YY1AP1: variants seen among roughly 807,000 people sequenced by gnomAD.
The protein encoded by YY1AP1 is YY1 associated protein 1, also known as YY1-associated protein 1.
YY1AP1 carries 43 observed loss-of-function variants against 39.9 expected under a neutral mutation model. The ratio of observed to expected loss-of-function variants is 1.08; its 90% confidence interval spans 0.84 to 1.39. The LOEUF (loss-of-function observed/expected upper bound fraction) is 1.39, where lower values mean the gene tolerates loss of function less well. Ranked by LOEUF, YY1AP1 falls within the 40% of genes most tolerant of loss-of-function variation. The pLI, the probability that YY1AP1 is intolerant of heterozygous loss-of-function variation, is 0.00. For synonymous variants in YY1AP1, 292 were observed against 331.3 expected, an observed-to-expected ratio of 0.88 and a Z score of 1.29; for missense variants, 813 against 900.7, an observed-to-expected ratio of 0.90 and a Z score of 1.25.
chr1:155,662,907 G>A (rs1648383952), intron 9 of YY1AP1, among the ~76,000 whole-genome samples: 1 of 152,070 alleles, frequency 6.6e-6, no homozygotes, highest in Non-Finnish European at 1.5e-5. Flanking sequence ...GGCAGGCTGA[G>A]GCAGGAGAAT....
At chr1:155,675,242 T>A (rs1209311302) in intron 5 of YY1AP1, 146 bp from the exon 6 acceptor site, 2 of 620,296 alleles carry the variant, frequency 3.2e-6, no homozygotes, top group African/African-American at 3.7e-5. Context: ...CTCAATGCCC[T>A]CTCAACCACC....
chr1:155,687,014 G>A (rs1431086477), intron 2 of YY1AP1, among the ~76,000 whole-genome samples: 1 of 151,936 alleles, frequency 6.6e-6, no homozygotes, highest in Non-Finnish European at 1.5e-5. Flanking sequence ...TGCGGCCTTG[G>A]AGAAGTTCTC....
chr1:155,665,942 C>G (rs535916759), intron 9 of YY1AP1, among the ~76,000 whole-genome samples: 1 of 151,964 alleles, frequency 6.6e-6, no homozygotes, highest in African/African-American at 2.4e-5. Flanking sequence ...GAGAGCAACA[C>G]GCTTAAAGTG....
intron 8 of YY1AP1, 89 bp downstream of exon 8, chr1:155,670,231 C>CTTA: frequency 6.4e-7 from 1 of 1,568,430 alleles, no homozygotes; most frequent in South Asian, 1.1e-5. Flanking sequence ...GTGTCCATGT[C>CTTA]TTATTATACA....
intron 7 of YY1AP1, chr1:155,671,042 C>A (rs979104456): frequency 1.3e-5 from 2 of 155,232 alleles, no homozygotes; most frequent in Admixed American, 6.3e-5. Flanking sequence ...CCTAGTAATA[C>A]CTGTCACATA....
intron 7 of YY1AP1, among the ~76,000 whole-genome samples, chr1:155,671,425 C>T (rs1279568312): frequency 6.7e-6 from 1 of 150,082 alleles, no homozygotes; most frequent in African/African-American, 2.5e-5. Context: ...AGCGAGACTC[C>T]ATCTTAAAAA....
chr1:155,675,227 C>T, intron 5 of YY1AP1, 131 bp from the exon 6 acceptor site: 1 of 749,348 alleles, frequency 1.3e-6, no homozygotes. Context: ...GTGGTGCAAC[C>T]ATGACTCAAT....
intron 2 of YY1AP1, 149 bp downstream of exon 2, chr1:155,687,922 T>G: frequency 1.1e-6 from 1 of 894,170 alleles, no homozygotes; most frequent in Non-Finnish European, 1.6e-6. Context: ...AGGCTCAGGA[T>G]CCCCCTCCCT....
In YY1AP1 at chr1:155,660,488, A is replaced by G. The variant is rs1208709414; in HGVS notation, c.1422T>C (p.Gly474=). Residue 474 remains glycine (G), a synonymous_variant, in exon 11 of 11, where the codon GGT becomes GGC. Transcript: ENST00000355499. ...PGVPPLGVSG[G]ESFESPAALP... The stretch of plus-strand genomic sequence containing the variant: ...GTGCTGCAGGAGACTCAAAACTCTC[A>G]CCTCCACTGACCCCCAGTGGAGGGA... 2 of 1,613,732 alleles carry G rather than the reference A, an allele frequency of 1.2e-6. No homozygotes were observed. Among genetic ancestry groups the G allele is most frequent in the African/African-American group, 2.7e-5 (2 of 74,806 alleles).
At chr1:155,672,785 A>G in intron 6 of YY1AP1, 54 bp from the exon 7 acceptor site, 1 of 1,613,306 alleles carries the variant, frequency 6.2e-7, no homozygotes, top group Non-Finnish European at 8.5e-7. Context: ...AATTAATACC[A>G]ATAGCCTTCA....
rs376745256 is a variant in YY1AP1, at chr1:155,660,335, A to G, written c.1575T>C (p.Tyr525=). 21 of 1,614,042 alleles carry G rather than the reference A, an allele frequency of 1.3e-5. No homozygotes were observed. Among genetic ancestry groups the G allele is most frequent in the Non-Finnish European group, 1.7e-5 (20 of 1,180,026 alleles). The change falls in exon 11 of 11, where the codon TAT becomes TAC. Residue 525 remains tyrosine (Y), a synonymous_variant. Coordinates refer to ENST00000355499, the MANE Select transcript of YY1AP1 (RefSeq NM_139119.3). ...SPASSMFRKP[Y]VRRRPSKRRG... ...TTCTTTTTGAGGGTCTCCGTCTCACATATGGCTTTCGAAACATGGAAGAGG... is the reference window on the plus strand; with the variant it reads ...TTCTTTTTGAGGGTCTCCGTCTCACGTATGGCTTTCGAAACATGGAAGAGG...
Position 155,688,735 on chromosome 1 carries a change from ACCGCCGCCAAAGCAG to A in YY1AP1, c.-243_-229del. 1.3e-6 allele frequency: 2 copies of A among 1,515,096 alleles called. No homozygotes were observed. The highest frequency in any genetic ancestry group is 1.4e-5 in the African/African-American group (1 of 71,836). The allele number at this position is 1,515,096 out of a possible 1,614,324, so 93.9% of individuals were successfully genotyped here. A position where few individuals can be genotyped will look rare whatever the true frequency, so the allele number is the denominator to read the frequency against. ...TCCCTCCCCGCCCGCACGGCCACCA[ACCGCCGCCAAAGCAG>A]CCGCCGCCAGCACCCCCACCCTACA... On this transcript the variant is annotated 5_prime_UTR_variant, in exon 1 of 11. Coordinates refer to ENST00000355499, the MANE Select transcript of YY1AP1 (RefSeq NM_139119.3).
At chr1:155,680,985 CT>C (rs1352355277) in intron 2 of YY1AP1, among the ~76,000 whole-genome samples, 1 of 151,220 alleles carries the variant, frequency 6.6e-6, no homozygotes, top group African/African-American at 2.4e-5. Context: ...TCTCATTGAA[CT>C]TAAATTCTAA....
intron 2 of YY1AP1, among the ~76,000 whole-genome samples, chr1:155,682,793 G>T (rs1190097030): frequency 6.6e-6 from 1 of 151,832 alleles, no homozygotes; most frequent in East Asian, 1.9e-4. Context: ...GTCAACAGAA[G>T]AATTTTGCTC....
chr1:155,664,759 T>C (rs895666506), intron 9 of YY1AP1, among the ~76,000 whole-genome samples: 3 of 145,990 alleles, frequency 2.1e-5, no homozygotes, highest in Non-Finnish European at 4.5e-5. Context: ...CAAAAGACCA[T>C]GAATGGAGAT....
At chr1:155,673,527 G>A (rs1405636737) in intron 6 of YY1AP1, among the ~76,000 whole-genome samples, 1 of 152,022 alleles carries the variant, frequency 6.6e-6, no homozygotes, top group African/African-American at 2.4e-5. Flanking sequence ...AAAAGTTTGA[G>A]GCAATTTTTA....
intron 8 of YY1AP1, among the ~76,000 whole-genome samples, chr1:155,669,913 C>T (rs918835619): frequency 1.3e-5 from 2 of 152,154 alleles, no homozygotes; most frequent in African/African-American, 4.8e-5. Context: ...GTCCCAGCTA[C>T]TCCATGGAGG....
At chr1:155,660,987 G>C in intron 10 of YY1AP1, 74 bp from the exon 11 acceptor site, 2 of 1,608,140 alleles carry the variant, frequency 1.2e-6, no homozygotes, top group South Asian at 2.2e-5. Context: ...TCTAAGTTTA[G>C]GGACCTGAGA....
At chr1:155,667,903 AATAC>A (rs57719884) in intron 9 of YY1AP1, among the ~76,000 whole-genome samples, 52,801 of 150,254 alleles carry the variant, frequency 0.35, 10,291 homozygotes, top group East Asian at 0.68. Context: ...ACTCCATCTC[AATAC>A]ATACATACAT....
Sources: gnomAD v4.1 joint callset for allele counts (sites outside exome capture counted in the v4.1 genomes callset) on GRCh38, gnomAD v4.1.1 for gene constraint, MANE v1.5 for transcripts, NCBI Gene and HGNC (gene_info 2026-07-23, HGNC 2026-07-21) for gene names.